Variants in TJP2 observed in about 807,000 individuals in gnomAD.
TJP2 encodes tight junction protein 2.
In TJP2, 91 loss-of-function variants were observed where a neutral mutation model predicts 133.1. The ratio of observed to expected loss-of-function variants is 0.68; its 90% CI spans 0.58 to 0.81. The LOEUF (loss-of-function observed/expected upper bound fraction) is 0.81, where lower values mean the gene tolerates loss of function less well. Ranked by LOEUF, TJP2 falls within the 40% of genes least tolerant of loss-of-function variation. The probability of loss-of-function intolerance (pLI) is 0.00; values close to 1 mark genes in which losing one functional copy is unlikely to be tolerated. For synonymous variants in TJP2, 592 were observed against 583.4 expected, an observed-to-expected ratio of 1.01 and a Z score of -0.21; for missense variants, 1,541 against 1,565.6, an observed-to-expected ratio of 0.98 and a Z score of 0.26.
chr9:69,171,534 T>C (rs1375269055), upstream of TJP2, among the ~76,000 whole-genome samples: 1 of 152,134 alleles, frequency 6.6e-6, no homozygotes, highest in African/African-American at 2.4e-5. Flanking sequence ...CTGGAAGGCT[T>C]TTTTCCTTCT....
At chr9:69,228,265 C>T in intron 9 of TJP2, 151 bp downstream of exon 9, 1 of 990,566 alleles carries the variant, frequency 1.0e-6, no homozygotes, top group Non-Finnish European at 1.5e-6. Context: ...AACAGAAAAC[C>T]ACACAGCACA....
At chr9:69,142,837 C>T (rs1238218119) in intron 1 of TJP2, among the ~76,000 whole-genome samples, 1 of 152,182 alleles carries the variant, frequency 6.6e-6, no homozygotes, top group African/African-American at 2.4e-5. Flanking sequence ...TATTTAAAAA[C>T]ACTTTTAATA....
rs1448361043 is a variant in TJP2 at position 69,248,271 on chromosome 9, T to G, written c.2880+47T>G. 9 of 1,545,138 alleles carry G rather than the reference T, an allele frequency of 5.8e-6. No homozygotes were observed. The African/African-American group carries it at 1.2e-4, about 21-fold the overall frequency. On this transcript the variant is annotated intron_variant, in intron 19 of 22. Coordinates refer to ENST00000377245, the MANE Select transcript of TJP2 (RefSeq NM_004817.4). ...GCAGGAACAGGAGAGCCTGGTGTTT[T>G]CCTTGCACTCTCGTGGACAGCTGTG... is the stretch of plus-strand genomic sequence containing the variant.
At chr9:69,184,735 T>TTC (rs756568029) in intron 1 of TJP2, among the ~76,000 whole-genome samples, 722 of 151,000 alleles carry the variant, frequency 4.8e-3, no homozygotes, top group Middle Eastern at 6.9e-3. Flanking sequence ...TCAGACTGAT[T>TTC]TCTCTCTCTC....
At chr9:69,205,175 A>G in intron 1 of TJP2, 1 of 1,537,272 alleles carries the variant, frequency 6.5e-7, no homozygotes, top group Middle Eastern at 1.7e-4. Flanking sequence ...AAGACTGCTC[A>G]AGCCCTACAT....
In TJP2 at chr9:69,251,204, C is replaced by G. The variant is rs1354784043; in HGVS notation, c.3161C>G (p.Thr1054Ser). The change falls in exon 21 of 23, where the codon ACT becomes AGT. Residue 1054 changes from threonine (T) to serine (S), a missense_variant. By Grantham distance (58) the Thr-to-Ser change is moderately conservative. Transcript: ENST00000377245. ...GGGCGGTCTATACTGAAGCCCTCCA[C>G]TCCCATCCCTCCTCAAGAGGGTGAG... ...TFGRSILKPS[T>S]PIPPQEGEEV... The G allele has an allele frequency of 6.2e-7, 1 of 1,614,184 alleles. No homozygotes were observed. The highest frequency in any genetic ancestry group is 1.7e-5 in the Admixed American group (1 of 60,024).
At chr9:69,216,504 C>G in intron 3 of TJP2, 41 bp downstream of exon 3, 2 of 1,612,878 alleles carry the variant, frequency 1.2e-6, no homozygotes, top group Non-Finnish European at 1.7e-6. Context: ...ACCAGCCCTA[C>G]TGGTTGGCCC....
At chr9:69,141,676 C>A (rs1245389611) in intron 1 of TJP2, among the ~76,000 whole-genome samples, 1 of 152,166 alleles carries the variant, frequency 6.6e-6, no homozygotes, top group Non-Finnish European at 1.5e-5. Context: ...ACTGCAACCT[C>A]CACCTCCTGG....
chr9:69,141,382 G>A (rs985461564), intron 1 of TJP2, among the ~76,000 whole-genome samples: 3 of 151,912 alleles, frequency 2.0e-5, no homozygotes, highest in Non-Finnish European at 4.4e-5. Context: ...GGACCCAGGA[G>A]CCTACTTTCC....
At chr9:69,198,159 T>TTG (rs10674501) in intron 1 of TJP2, among the ~76,000 whole-genome samples, 57,065 of 132,224 alleles carry the variant, frequency 0.43, 12,037 homozygotes, top group East Asian at 0.57. Context: ...TTTTTTTTTT[T>TTG]GAGACTGAGT....
chr9:69,159,921 GTT>G (rs1823981008), intron 2 of TJP2, among the ~76,000 whole-genome samples: 2 of 128,966 alleles, frequency 1.6e-5, no homozygotes, highest in Non-Finnish European at 3.3e-5. Context: ...GTGTGTGTGT[GTT>G]TCTTTTTTTT....
At chr9:69,183,672 C>A (rs1300742657) in intron 1 of TJP2, among the ~76,000 whole-genome samples, 2 of 152,094 alleles carry the variant, frequency 1.3e-5, no homozygotes, top group Non-Finnish European at 2.9e-5. Context: ...GACATGTACA[C>A]CCATTTCTCT....
chr9:69,153,391 C>T (rs980908264), intron 2 of TJP2, among the ~76,000 whole-genome samples: 2 of 151,896 alleles, frequency 1.3e-5, no homozygotes, highest in Non-Finnish European at 1.5e-5. Context: ...GAGACCAGCC[C>T]GGGCAACATG....
intron 5 of TJP2, among the ~76,000 whole-genome samples, chr9:69,222,624 A>G (rs1392597601): frequency 6.6e-6 from 1 of 152,204 alleles, no homozygotes; most frequent in Non-Finnish European, 1.5e-5. Flanking sequence ...AGGTTCATTG[A>G]TATACACAAA....
chr9:69,150,896 G>A (rs1823441510), intron 1 of TJP2, among the ~76,000 whole-genome samples: 1 of 152,260 alleles, frequency 6.6e-6, no homozygotes, highest in East Asian at 1.9e-4. Flanking sequence ...ATAAAATGTG[G>A]TATATCCATA....
intron 1 of TJP2, among the ~76,000 whole-genome samples, chr9:69,190,576 TC>T (rs145136879): frequency 0.016 from 2,475 of 152,256 alleles, 60 homozygotes; most frequent in African/African-American, 0.057. Context: ...AACAAGTTTA[TC>T]CCCAAATAGT....
chr9:69,205,124 A>G, intron 1 of TJP2: 5 of 1,536,754 alleles, frequency 3.3e-6, no homozygotes, highest in Non-Finnish European at 4.4e-6. Flanking sequence ...GCAGCCCGGA[A>G]TGTAGGCGGT....
At chr9:69,225,162 GA>G in intron 5 of TJP2, 141 bp from the exon 6 acceptor site, 2 of 595,828 alleles carry the variant, frequency 3.4e-6, no homozygotes, top group East Asian at 6.0e-5. Context: ...CTTTTTTGAA[GA>G]GTTCAGGCCA....
At chr9:69,235,809 T>G (rs1830145827) in intron 12 of TJP2, among the ~76,000 whole-genome samples, 1 of 152,196 alleles carries the variant, frequency 6.6e-6, no homozygotes, top group African/African-American at 2.4e-5. Flanking sequence ...ACCTGGTTAT[T>G]TCATGGCCCA....
Sources: allele counts gnomAD v4.1 joint callset (sites outside exome capture counted in the v4.1 genomes callset), GRCh38; gene constraint gnomAD v4.1.1; transcripts MANE v1.5; gene names NCBI Gene and HGNC (gene_info 2026-07-23, HGNC 2026-07-21).